GALK2: variants seen among roughly 807,000 people sequenced by gnomAD.
The protein encoded by GALK2 is N-acetylgalactosamine kinase.
Under a neutral mutation model 52.4 loss-of-function variants are expected in GALK2, and 36 were observed. That is an observed-to-expected ratio of 0.69 (90% CI 0.53 to 0.91). The LOEUF (loss-of-function observed/expected upper bound fraction) is 0.91. Among genes scored for constraint, GALK2 ranks in the 40% least tolerant of loss-of-function variants. The probability of loss-of-function intolerance (pLI) is 0.00; values close to 1 mark genes in which losing one functional copy is unlikely to be tolerated. For missense variants in GALK2, 579 were observed against 559.1 expected (o/e 1.04, Z -0.36); for synonymous variants, 176 against 199.1 (o/e 0.88, Z 0.98).
intron 5 of GALK2, among the ~76,000 whole-genome samples, chr15:49,261,199 G>A (rs1184491328): frequency 1.3e-5 from 2 of 148,860 alleles, no homozygotes; most frequent in East Asian, 1.9e-4. Flanking sequence ...CTACCCATGA[G>A]CATGGAATGT....
At chr15:49,228,561 A>C (rs1007715571) in intron 3 of GALK2, among the ~76,000 whole-genome samples, 5 of 138,272 alleles carry the variant, frequency 3.6e-5, no homozygotes, top group African/African-American at 1.4e-4. Flanking sequence ...CTGTTCCAAT[A>C]TTTTTGTTTA....
At chr15:49,332,138 T>C (rs2038911854), downstream of GALK2, among the ~76,000 whole-genome samples, 1 of 147,688 alleles carries the variant, frequency 6.8e-6, no homozygotes, top group African/African-American at 2.5e-5. Flanking sequence ...AGTCATACAC[T>C]TAGCAAGGAG....
intron 8 of GALK2, among the ~76,000 whole-genome samples, chr15:49,317,444 C>G (rs1018281926): frequency 9.2e-5 from 14 of 151,852 alleles, no homozygotes; most frequent in Non-Finnish European, 1.9e-4. Context: ...AATAGGAATG[C>G]TTTTACACTG....
At chr15:49,342,378 A>C (rs1165324527) in intron 3 of GALK2, among the ~76,000 whole-genome samples, 4 of 152,110 alleles carry the variant, frequency 2.6e-5, no homozygotes, top group Admixed American at 2.6e-4. Context: ...CATTTATGTG[A>C]TAGAACTTTC....
At chr15:49,345,026 T>C (rs923113465) in intron 3 of GALK2, among the ~76,000 whole-genome samples, 4 of 152,218 alleles carry the variant, frequency 2.6e-5, no homozygotes, top group Non-Finnish European at 5.9e-5. Flanking sequence ...TATTACCTGC[T>C]ACTATTTAAT....
intron 1 of GALK2, among the ~76,000 whole-genome samples, chr15:49,195,936 A>G (rs2087191241): frequency 6.6e-6 from 1 of 151,962 alleles, no homozygotes; most frequent in Non-Finnish European, 1.5e-5. Flanking sequence ...ATAGTTTCTG[A>G]TATATTTGGA....
At chr15:49,167,791 C>T (rs932461250), upstream of GALK2, among the ~76,000 whole-genome samples, 3 of 152,156 alleles carry the variant, frequency 2.0e-5, no homozygotes, top group African/African-American at 7.2e-5. Context: ...CAATAATATA[C>T]GCAAAGTGCT....
chr15:49,366,654 T>C (rs2045247707), intron 3 of GALK2: 2 of 1,557,524 alleles, frequency 1.3e-6, no homozygotes, highest in Admixed American at 1.7e-5. Context: ...AGGGCGGCCG[T>C]GGCAGGGGAC....
chr15:49,201,764 C>CAATGAA (rs1484181835), intron 2 of GALK2, among the ~76,000 whole-genome samples: 2 of 152,176 alleles, frequency 1.3e-5, no homozygotes, highest in African/African-American at 4.8e-5. Context: ...ATCATTTTAT[C>CAATGAA]AATGTCCCTA....
intron 3 of GALK2, among the ~76,000 whole-genome samples, chr15:49,352,446 A>G (rs1164956750): frequency 6.6e-6 from 1 of 152,194 alleles, no homozygotes; most frequent in Non-Finnish European, 1.5e-5. Flanking sequence ...TAAGTCCACT[A>G]TCAGCAGCTG....
chr15:49,313,836 A>T (rs1325919316), intron 8 of GALK2, among the ~76,000 whole-genome samples: 1 of 151,968 alleles, frequency 6.6e-6, no homozygotes, highest in African/African-American at 2.4e-5. Flanking sequence ...TGGAGAACTT[A>T]AAATTAAATC....
chr15:49,327,400 T>C (rs2151109887), intron 9 of GALK2: 1 of 152,372 alleles, frequency 6.6e-6, no homozygotes, highest in Admixed American at 6.5e-5. Flanking sequence ...TTTTTGTTGA[T>C]AAGTTTATTC....
chr15:49,282,140 A>C, intron 6 of GALK2, 55 bp downstream of exon 6: 2 of 1,322,072 alleles, frequency 1.5e-6, no homozygotes, highest in Non-Finnish European at 2.2e-6. Flanking sequence ...GAAAATTTAC[A>C]TGGAGAAGAA....
chr15:49,201,957 G>T (rs1566932353), intron 2 of GALK2, among the ~76,000 whole-genome samples: 1 of 152,204 alleles, frequency 6.6e-6, no homozygotes, highest in East Asian at 1.9e-4. Flanking sequence ...AGGCAGAGAA[G>T]TTCAATATCA....
intron 1 of GALK2, among the ~76,000 whole-genome samples, chr15:49,193,527 A>C (rs1259831641): frequency 6.6e-6 from 1 of 151,976 alleles, no homozygotes; most frequent in African/African-American, 2.4e-5. Flanking sequence ...TTTGAGTCAT[A>C]TTAGAAAACC....
At chr15:49,247,159 T>C (rs1446090574) in intron 5 of GALK2, among the ~76,000 whole-genome samples, 2 of 151,894 alleles carry the variant, frequency 1.3e-5, no homozygotes, top group Non-Finnish European at 2.9e-5. Context: ...GCAAAAGCCC[T>C]AAGGTGAAAG....
At chr15:49,166,574 G>C (rs1002324767), upstream of GALK2, among the ~76,000 whole-genome samples, 2 of 152,012 alleles carry the variant, frequency 1.3e-5, no homozygotes, top group Non-Finnish European at 2.9e-5. Flanking sequence ...CAAAAATTAA[G>C]TGGCAGGCAC....
intron 3 of GALK2, among the ~76,000 whole-genome samples, chr15:49,361,242 A>AT (rs1051136727): frequency 1.3e-5 from 2 of 151,826 alleles, no homozygotes; most frequent in African/African-American, 2.4e-5. Flanking sequence ...TATGATGCAA[A>AT]TTTTTTTTTA....
intron 3 of GALK2, among the ~76,000 whole-genome samples, chr15:49,235,056 C>T (rs1288888279): frequency 2.0e-5 from 3 of 152,110 alleles, no homozygotes; most frequent in Admixed American, 6.6e-5. Context: ...TGAGCTGCTG[C>T]GCCTGGCCCA....
Sources: gnomAD v4.1 joint callset for allele counts (sites outside exome capture counted in the v4.1 genomes callset) on GRCh38, gnomAD v4.1.1 for gene constraint, MANE v1.5 for transcripts, NCBI Gene and HGNC (gene_info 2026-07-23, HGNC 2026-07-21) for gene names.